FANCD2: variants seen among roughly 807,000 people sequenced by gnomAD.
FANCD2 encodes FA complementation group D2.
FANCD2 carries 131 observed loss-of-function variants against 192.3 expected under a neutral mutation model. The observed-to-expected ratio is 0.68, with a 90% confidence interval of 0.59 to 0.79. The LOEUF (loss-of-function observed/expected upper bound fraction) is 0.79. Ranked by LOEUF, FANCD2 falls within the 30% of genes least tolerant of loss-of-function variation. The pLI is 0.00. For synonymous variants in FANCD2, 524 were observed against 612.5 expected (o/e 0.86, Z 2.13); for missense variants, 1,508 against 1,701.6 (o/e 0.89, Z 2.00).
chr3:10,073,338 A>T lies in FANCD2; in HGVS notation c.2691A>T (p.Pro897=). 2 of 1,613,054 alleles carry T rather than the reference A, an allele frequency of 1.2e-6. No individual in the cohort carries two copies. The highest frequency in any genetic ancestry group is 1.7e-6 in the Non-Finnish European group (2 of 1,179,010). The change falls in exon 28 of 44, where the codon CCA becomes CCT. Residue 897 remains proline (P), a synonymous_variant. Transcript: ENST00000675286. ...EEKNSECDPT[P]SHRGQLNKEF... Reference sequence around the variant, plus strand: ...AAAATTCAGAATGTGACCCTACGCCATCTCATAGAGGCCAGCTAAACAAGG... The same window carrying T: ...AAAATTCAGAATGTGACCCTACGCCTTCTCATAGAGGCCAGCTAAACAAGG...
intron 26 of FANCD2, among the ~76,000 whole-genome samples, chr3:10,071,084 T>TG (rs1336474101): frequency 1.5e-5 from 2 of 136,354 alleles, no homozygotes; most frequent in Admixed American, 8.0e-5. Context: ...CCTATGACCC[T>TG]GCCAAATCCC....
chr3:10,100,591 C>T (rs1250134384), intron 43 of FANCD2, among the ~76,000 whole-genome samples: 1 of 152,126 alleles, frequency 6.6e-6, no homozygotes, highest in Non-Finnish European at 1.5e-5. Context: ...GGGCTGGTCT[C>T]GAACTCCTAA....
In FANCD2 at chr3:10,034,727, T is replaced by C. The variant is rs1327687580; in HGVS notation, c.306T>C (p.Ser102=). 1 of 1,572,206 alleles carries C rather than the reference T, an allele frequency of 6.4e-7. No individual in the cohort carries two copies. Among genetic ancestry groups the C allele is most frequent in the South Asian group, 1.2e-5 (1 of 86,100 alleles). Residue 102 remains serine (S), a synonymous_variant, in exon 5 of 44, where the codon TCT becomes TCC. Transcript: ENST00000675286. The part of the protein sequence containing the change: ...IIEEFVSGLE[S]YIEDEDSFRN... ...AAGAATTTGTTAGTGGCCTGGAGTC[T>C]TACATTGAGGATGAAGACAGTTTCA... is the stretch of plus-strand genomic sequence containing the variant.
At chr3:10,079,630 A>C (rs530021452) in intron 30 of FANCD2, among the ~76,000 whole-genome samples, 1 of 152,222 alleles carries the variant, frequency 6.6e-6, no homozygotes, top group African/African-American at 2.4e-5. Flanking sequence ...CAGCCTACGA[A>C]ATGTATTTCT....
rs2086868488 is a variant in FANCD2, at chr3:10,041,723, C to T, written c.783+13C>T. The T allele has an allele frequency of 6.2e-7, 1 of 1,601,828 alleles. No homozygotes were observed. Among genetic ancestry groups the T allele is most frequent in the South Asian group, 1.1e-5 (1 of 90,814 alleles). On this transcript the variant is annotated intron_variant, in intron 10 of 43. Coordinates refer to ENST00000675286, the MANE Select transcript of FANCD2 (RefSeq NM_001018115.3). ...CTTCCTATTGAAGGTAGAAAAGACT[C>T]AGCTTTCCAGAAACAGAGCCAGCTT...
intron 30 of FANCD2, among the ~76,000 whole-genome samples, chr3:10,080,037 C>A (rs1693747538): frequency 6.6e-6 from 1 of 151,624 alleles, no homozygotes; most frequent in Non-Finnish European, 1.5e-5. Flanking sequence ...GCCTCAGCCT[C>A]CCGAGGAGCT....
Position 10,081,416 on chromosome 3 carries a change from C to A in FANCD2, c.3176C>A (p.Ser1059Tyr), listed in dbSNP as rs777729489. 1.2e-6 allele frequency: 2 copies of A among 1,614,090 alleles called. No homozygotes were observed. Among genetic ancestry groups the A allele is most frequent in the Non-Finnish European group, 1.7e-6 (2 of 1,179,946 alleles). ...AAAGTTCAGGAGTACCACATAATGT[C>A]TTCCTGCTATCAGAGGCTGCTGCAG... is the stretch of plus-strand genomic sequence containing the variant. The part of the protein sequence containing the change: ...GVKVQEYHIM[S>Y]SCYQRLLQIF... Residue 1059 changes from serine (S) to tyrosine (Y), a missense_variant, in exon 32 of 44, where the codon TCT (serine) becomes TAT (tyrosine). Around this residue, in one of 5 missense-constraint regions of FANCD2, gnomAD observed 796 missense variants for 879.4 expected, o/e 0.91. Transcript: ENST00000675286.
chr3:10,061,810 G>T (rs2087575533), intron 19 of FANCD2, among the ~76,000 whole-genome samples: 1 of 152,128 alleles, frequency 6.6e-6, no homozygotes, highest in Non-Finnish European at 1.5e-5. Context: ...AGGGAAGTCA[G>T]AATTCTTAAA....
intron 6 of FANCD2, 147 bp downstream of exon 6, chr3:10,035,380 G>T: frequency 1.4e-6 from 1 of 712,016 alleles, no homozygotes; most frequent in East Asian, 2.6e-5. Flanking sequence ...TTGCTGTGAT[G>T]GGTTTGGTAG....
At position 10,094,389 on chromosome 3, in the gene FANCD2, G is replaced by A. The variant is rs35678855; in HGVS notation, c.3963+26G>A. Reference sequence around the variant, plus strand: ...GTAAGAGCTAAGAGCAGAGAACAAAGATATGCACTGAAGAGTTGCTCAGAA... The same window carrying A: ...GTAAGAGCTAAGAGCAGAGAACAAAAATATGCACTGAAGAGTTGCTCAGAA... On this transcript the variant is annotated intron_variant, in intron 40 of 43. Transcript: ENST00000675286. The A allele has an allele frequency of 5.8e-4, 921 of 1,583,902 alleles. 9 individuals carry two copies. The East Asian group carries it at 0.017, about 30-fold the overall frequency.
chr3:10,057,472 C>T (rs2087446912), intron 18 of FANCD2, among the ~76,000 whole-genome samples: 1 of 151,652 alleles, frequency 6.6e-6, no homozygotes, highest in South Asian at 2.1e-4. Flanking sequence ...TCAAGTGATT[C>T]TCCTGCCTCA....
Position 10,065,510 on chromosome 3 carries a change from A to T in FANCD2, c.2269+16A>T, listed in dbSNP as rs774035083. 5 of 1,500,920 alleles carry T rather than the reference A, an allele frequency of 3.3e-6. No individual in the cohort carries two copies. The highest frequency in any genetic ancestry group is 4.6e-6 in the Non-Finnish European group (5 of 1,076,588). The allele number at this position is 1,500,920 out of a possible 1,614,324, so 93.0% of individuals were successfully genotyped here. ...GGTCTACTAGGTATGGGATGAAGTC[A>T]TCAGATCCTTTCTTCTTTATACTCT... On this transcript the variant is annotated intron_variant, in intron 24 of 43. Transcript: ENST00000675286.
chr3:10,086,074 T>C (rs944411499), intron 33 of FANCD2, 152 bp downstream of exon 33: 30 of 673,518 alleles, frequency 4.5e-5, no homozygotes, highest in Non-Finnish European at 7.5e-5. Context: ...TTCTCATCTA[T>C]GTATTCTGAT....
At position 10,028,546 on chromosome 3, in the gene FANCD2, A is replaced by G. The variant is rs2086513799; in HGVS notation, c.-33-79A>G. 5 of 912,380 alleles carry G rather than the reference A, an allele frequency of 5.5e-6. No individual in the cohort carries two copies. The Admixed American group carries it at 9.7e-5, about 18-fold the overall frequency. The allele number at this position is 912,380 out of a possible 1,614,324, so 56.5% of individuals were successfully genotyped here. Reference sequence around the variant, plus strand: ...GAGCCCCTCTGATTTTGGATAGAGCAGTTTTCTTTGAACAATAGCTTTAAC... The same window carrying G: ...GAGCCCCTCTGATTTTGGATAGAGCGGTTTTCTTTGAACAATAGCTTTAAC... On this transcript the variant is annotated intron_variant, in intron 1 of 43. Coordinates refer to ENST00000675286, the MANE Select transcript of FANCD2 (RefSeq NM_001018115.3).
intron 30 of FANCD2, 94 bp from the exon 31 acceptor site, chr3:10,081,006 G>C (rs1693802466): frequency 1.5e-6 from 2 of 1,370,922 alleles, no homozygotes; most frequent in Middle Eastern, 1.8e-4. Flanking sequence ...GCTCCTACCT[G>C]GTGACACAGG....
At chr3:10,094,502 A>C in intron 40 of FANCD2, 139 bp downstream of exon 40, 2 of 776,488 alleles carry the variant, frequency 2.6e-6, no homozygotes, top group Middle Eastern at 2.6e-4. Flanking sequence ...GAGATCCCCA[A>C]ATTGGACTGA....
At chr3:10,038,644 G>C (rs1328506622) in intron 7 of FANCD2, among the ~76,000 whole-genome samples, 2 of 146,920 alleles carry the variant, frequency 1.4e-5, no homozygotes. Context: ...GCAGTGGCAC[G>C]ATCTCAACTC....
intron 37 of FANCD2, 85 bp downstream of exon 37, chr3:10,090,470 T>TC: frequency 2.4e-6 from 2 of 845,042 alleles, no homozygotes; most frequent in Admixed American, 2.3e-5. Context: ...TTTTTTTTTT[T>TC]TCTGAGACAG....
At chr3:10,046,244 G>A (rs1438383807) in intron 14 of FANCD2, among the ~76,000 whole-genome samples, 5 of 151,426 alleles carry the variant, frequency 3.3e-5, no homozygotes, top group Admixed American at 6.6e-5. Flanking sequence ...TAGTAGAGAC[G>A]GGGTTTCACC....
Sources: allele counts gnomAD v4.1 joint callset (sites outside exome capture counted in the v4.1 genomes callset), GRCh38; gene constraint gnomAD v4.1.1; regional missense constraint gnomAD v4.1.1; transcripts MANE v1.5; gene names NCBI Gene and HGNC (gene_info 2026-07-23, HGNC 2026-07-21).